SGCZ: variants seen among roughly 807,000 people sequenced by gnomAD.
SGCZ encodes sarcoglycan zeta, also known as zeta-sarcoglycan.
SGCZ carries 40 observed loss-of-function variants against 41.3 expected under a neutral mutation model. That is an observed-to-expected ratio of 0.97 (90% CI 0.75 to 1.26). SGCZ has a LOEUF of 1.26. SGCZ is among the 50% of genes most tolerant of loss of function. The probability of loss-of-function intolerance (pLI) is 0.00; values close to 1 mark genes in which losing one functional copy is unlikely to be tolerated. For missense variants in SGCZ, 552 were observed against 369.8 expected (o/e 1.49, Z -4.04); for synonymous variants, 206 against 137.5 (o/e 1.50, Z -3.49).
intron 1 of SGCZ, among the ~76,000 whole-genome samples, chr8:14,913,245 T>C (rs1175353303): frequency 6.6e-6 from 1 of 152,094 alleles, no homozygotes; most frequent in Admixed American, 6.6e-5. Flanking sequence ...AACTTCATAT[T>C]GAAATGTAAT....
rs1563241501 is a variant in SGCZ, at chr8:14,295,881, A to G, written c.336+28222T>C. Among the ~76,000 whole-genome samples the G allele has an allele frequency of 2.0e-5, 3 of 152,148 alleles. No individual in the cohort carries two copies. The South Asian group carries it at 6.2e-4, about 31-fold the overall frequency. On this transcript the variant is annotated intron_variant, in intron 3 of 7. Coordinates refer to ENST00000382080, the MANE Select transcript of SGCZ (RefSeq NM_139167.4). ...AACTGCACAGAGAAAGAGCCTCACA[A>G]TTCTGCATAAGTCCCCTATTAGGTC...
At chr8:15,050,608 G>A (rs2130992622) in intron 1 of SGCZ, among the ~76,000 whole-genome samples, 1 of 152,236 alleles carries the variant, frequency 6.6e-6, no homozygotes, top group East Asian at 1.9e-4. Flanking sequence ...AACCTGTGCA[G>A]AGGAGTGATA....
chr8:14,150,810 G>C (rs1399966951), intron 5 of SGCZ, among the ~76,000 whole-genome samples: 3 of 152,038 alleles, frequency 2.0e-5, no homozygotes, highest in Non-Finnish European at 4.4e-5. Flanking sequence ...AAGAAAATGT[G>C]GTCCATATAC....
intron 1 of SGCZ, among the ~76,000 whole-genome samples, chr8:14,796,886 G>A (rs1331751546): frequency 6.6e-6 from 1 of 152,114 alleles, no homozygotes. Flanking sequence ...TTTTATAAGG[G>A]GATTCCCCCT....
chr8:14,582,410 A>C (rs1804921020), intron 1 of SGCZ, among the ~76,000 whole-genome samples: 2 of 152,166 alleles, frequency 1.3e-5, no homozygotes, highest in Non-Finnish European at 2.9e-5. Context: ...TACACACATA[A>C]ATACATACAT....
At position 14,088,018 on chromosome 8, in the gene SGCZ, A is replaced by T. The variant is rs1236168455; in HGVS notation, c.*2425T>A. The stretch of plus-strand genomic sequence containing the variant: ...TCTATACTTCTCAGAATGCATTTGA[A>T]TTAAAAATGTGTCAGTCCCTCACTG... On this transcript the variant is annotated 3_prime_UTR_variant, in exon 8 of 8. Transcript: ENST00000382080. 6.6e-6 allele frequency among the ~76,000 whole-genome samples: 1 copy of T among 151,838 alleles called. No homozygotes were observed. Among genetic ancestry groups the T allele is most frequent in the Non-Finnish European group, 1.5e-5 (1 of 67,850 alleles).
chr8:14,487,629 T>C (rs943092160), intron 2 of SGCZ: 32 of 152,406 alleles, frequency 2.1e-4, no homozygotes, highest in African/African-American at 7.5e-4. Context: ...TTTAAACCTA[T>C]AATATTGCTG....
intron 5 of SGCZ, among the ~76,000 whole-genome samples, chr8:14,139,841 C>T (rs971351827): frequency 6.6e-5 from 10 of 152,226 alleles, no homozygotes; most frequent in African/African-American, 2.4e-4. Context: ...GTTATGAGGC[C>T]AGCATCATCC....
At chr8:14,231,947 T>A (rs1437158323) in intron 4 of SGCZ, among the ~76,000 whole-genome samples, 2 of 152,114 alleles carry the variant, frequency 1.3e-5, no homozygotes, top group African/African-American at 4.8e-5. Context: ...AAACATTTAC[T>A]AATAGAAACT....
At chr8:14,915,546 T>G (rs1052893969) in intron 1 of SGCZ, among the ~76,000 whole-genome samples, 1 of 152,086 alleles carries the variant, frequency 6.6e-6, no homozygotes, top group Non-Finnish European at 1.5e-5. Flanking sequence ...TCTTCCCTCC[T>G]CTTTGTCAGC....
intron 2 of SGCZ, among the ~76,000 whole-genome samples, chr8:14,497,586 G>A (rs987489145): frequency 6.6e-6 from 1 of 152,034 alleles, no homozygotes; most frequent in Non-Finnish European, 1.5e-5. Context: ...GTCTGTGTGT[G>A]TGTGTGTGAG....
chr8:15,035,723 T>C (rs544726304), intron 1 of SGCZ, among the ~76,000 whole-genome samples: 2 of 152,154 alleles, frequency 1.3e-5, no homozygotes, highest in African/African-American at 4.8e-5. Context: ...AAGTCAAAAC[T>C]GTCAAACAAG....
chr8:14,256,274 G>A (rs371996626), intron 3 of SGCZ, among the ~76,000 whole-genome samples: 7 of 152,026 alleles, frequency 4.6e-5, no homozygotes, highest in East Asian at 1.9e-4. Flanking sequence ...TGTAAGAGAG[G>A]TGCATGTATG....
chr8:14,325,174 A>G (rs1802050199), intron 2 of SGCZ, among the ~76,000 whole-genome samples: 1 of 152,144 alleles, frequency 6.6e-6, no homozygotes, highest in Non-Finnish European at 1.5e-5. Flanking sequence ...CAAGAAGATT[A>G]ATCTGGCAGA....
intron 2 of SGCZ, among the ~76,000 whole-genome samples, chr8:14,424,547 C>T (rs960097153): frequency 3.3e-5 from 5 of 151,968 alleles, no homozygotes; most frequent in African/African-American, 1.2e-4. Flanking sequence ...CCATATGGTA[C>T]CATAATGTAC....
chr8:14,133,721 T>C lies in SGCZ; in HGVS notation c.548-25486A>G, dbSNP rs143422299. On this transcript the variant is annotated intron_variant, in intron 5 of 7. Coordinates refer to ENST00000382080, the MANE Select transcript of SGCZ (RefSeq NM_139167.4). ...TAAACCTTTGACTCTTTTTCTGAGT[T>C]TTGACAAAATTACTTTTGACAGTTT... Among the ~76,000 whole-genome samples, 845 of 152,336 alleles carry C rather than the reference T, an allele frequency of 5.5e-3. 5 individuals are homozygous for C. Among genetic ancestry groups the C allele is most frequent in the African/African-American group, 0.019 (804 of 41,582 alleles).
chr8:14,861,453 A>C (rs1439689768), intron 1 of SGCZ, among the ~76,000 whole-genome samples: 1 of 152,174 alleles, frequency 6.6e-6, no homozygotes, highest in African/African-American at 2.4e-5. Context: ...GAGCTACAAA[A>C]TATACATTGT....
chr8:15,206,740 C>A (rs2117148356), intron 1 of SGCZ, among the ~76,000 whole-genome samples: 1 of 152,188 alleles, frequency 6.6e-6, no homozygotes, highest in African/African-American at 2.4e-5. Flanking sequence ...AGCCACTGCA[C>A]CCAGCCGGGC....
intron 1 of SGCZ, among the ~76,000 whole-genome samples, chr8:15,053,543 G>A (rs920149947): frequency 6.6e-6 from 1 of 152,098 alleles, no homozygotes; most frequent in Non-Finnish European, 1.5e-5. Flanking sequence ...AATTAACTAA[G>A]AGCAGGCTAA....
Sources: allele counts gnomAD v4.1 joint callset (sites outside exome capture counted in the v4.1 genomes callset), GRCh38; gene constraint gnomAD v4.1.1; transcripts MANE v1.5; gene names NCBI Gene and HGNC (gene_info 2026-07-23, HGNC 2026-07-21).